Variants in TRHDE observed in about 807,000 individuals in gnomAD.
TRHDE encodes thyrotropin-releasing hormone-degrading ectoenzyme.
A neutral mutation model predicts 125.7 loss-of-function variants in TRHDE; 72 were observed. The observed-to-expected ratio is 0.57, with a 90% CI of 0.47 to 0.70. The LOEUF is 0.70. Ranked by LOEUF, TRHDE falls within the 30% of genes least tolerant of loss-of-function variation. TRHDE has a pLI of 0.00. For missense variants in TRHDE, 1,110 were observed against 1,327.1 expected (o/e 0.84, Z 2.54); for synonymous variants, 509 against 509.1 (o/e 1.00, Z 0.00).
At chr12:72,531,877 T>C (rs1449542915) in intron 6 of TRHDE, among the ~76,000 whole-genome samples, 5 of 152,122 alleles carry the variant, frequency 3.3e-5, no homozygotes, top group Non-Finnish European at 7.4e-5. Flanking sequence ...TACAACTTTA[T>C]AGTTTTGTTA....
rs1878958224 is a variant in TRHDE at position 72,261,893 on chromosome 12, C to T, written n.280-116102C>T. Among the ~76,000 whole-genome samples the T allele has an allele frequency of 2.0e-5, 3 of 152,248 alleles. No individual in the cohort carries two copies. In the South Asian group the frequency reaches 6.2e-4, roughly 32 times the overall value. ...AATTTCAGTTCATTTGGAACTGGCT[C>T]TGTGTCTCTTCAATTTGTACTCTGA... On this transcript the variant is annotated intron_variant and non_coding_transcript_variant, in intron 2 of 4. Transcript: ENST00000548156.
intron 6 of TRHDE, among the ~76,000 whole-genome samples, chr12:72,508,730 A>G (rs1448369117): frequency 6.6e-6 from 1 of 152,078 alleles, no homozygotes. Flanking sequence ...GCGATGGGAG[A>G]AGGACATGAA....
Position 72,378,036 on chromosome 12 carries a change from C to A in TRHDE, c.1230C>A (p.Ser410=). 1 of 1,605,554 alleles carries A rather than the reference C, an allele frequency of 6.2e-7. No homozygotes were observed. The highest frequency in any genetic ancestry group is 1.1e-5 in the South Asian group (1 of 89,718). Residue 410 remains serine (S), a synonymous_variant, in exon 3 of 19, where the codon TCC becomes TCA. Transcript: ENST00000261180. ...GACCTGATGCTATCAGAAGAGGATC[C>A]GGGGACTATGCTCTCCATATAACAA... ...YARPDAIRRG[S]GDYALHITKR...
At chr12:72,495,548 T>G (rs1020296660) in intron 5 of TRHDE, among the ~76,000 whole-genome samples, 5 of 152,114 alleles carry the variant, frequency 3.3e-5, no homozygotes, top group Non-Finnish European at 7.4e-5. Flanking sequence ...AATTAATCAT[T>G]TCATCCTCTG....
chr12:72,131,661 G>A (rs907725609), intron 2 of TRHDE, among the ~76,000 whole-genome samples: 1 of 152,174 alleles, frequency 6.6e-6, no homozygotes, highest in African/African-American at 2.4e-5. Context: ...AATGGCTGCT[G>A]TCTGGCGACA....
At chr12:72,403,871 G>T (rs1249139306) in intron 3 of TRHDE, among the ~76,000 whole-genome samples, 3 of 152,144 alleles carry the variant, frequency 2.0e-5, no homozygotes, top group African/African-American at 7.2e-5. Flanking sequence ...GTGGAGTGGA[G>T]GGGGTAGGTC....
chr12:72,145,360 A>T (rs1318608069), intron 2 of TRHDE, among the ~76,000 whole-genome samples: 1 of 152,162 alleles, frequency 6.6e-6, no homozygotes, highest in Non-Finnish European at 1.5e-5. Context: ...GTTTCATTTA[A>T]AATTATGTCT....
chr12:72,605,209 A>G (rs1257121284), intron 12 of TRHDE, among the ~76,000 whole-genome samples: 2 of 152,134 alleles, frequency 1.3e-5, no homozygotes, highest in Non-Finnish European at 2.9e-5. Context: ...ATCAGTTATT[A>G]TAATATATAG....
chr12:72,633,290 G>A (rs1442483541), intron 15 of TRHDE, among the ~76,000 whole-genome samples: 3 of 152,000 alleles, frequency 2.0e-5, no homozygotes, highest in Non-Finnish European at 4.4e-5. Context: ...AGAAAGAGCT[G>A]CATATGCCTC....
intron 3 of TRHDE, among the ~76,000 whole-genome samples, chr12:72,439,280 C>A (rs927993742): frequency 2.6e-5 from 4 of 151,740 alleles, no homozygotes; most frequent in African/African-American, 9.7e-5. Context: ...TTTGGCTATT[C>A]AGGGTCTTTT....
At chr12:72,362,350 A>G (rs1427348758) in intron 2 of TRHDE, among the ~76,000 whole-genome samples, 3 of 149,820 alleles carry the variant, frequency 2.0e-5, no homozygotes, top group East Asian at 4.0e-4. Context: ...TTTTGGCTGC[A>G]TAAATGTCTT....
intron 6 of TRHDE, among the ~76,000 whole-genome samples, chr12:72,525,592 G>A (rs1868316426): frequency 7.1e-6 from 1 of 141,774 alleles, no homozygotes; most frequent in African/African-American, 2.6e-5. Context: ...CTCATGTTTT[G>A]TGTGTGGTTT....
At chr12:72,397,099 C>T (rs186563883) in intron 3 of TRHDE, among the ~76,000 whole-genome samples, 149 of 152,288 alleles carry the variant, frequency 9.8e-4, no homozygotes, top group African/African-American at 3.4e-3. Flanking sequence ...TTCTTTCACC[C>T]GTCAAGCCTA....
chr12:72,544,945 G>T (rs905223030), intron 7 of TRHDE, among the ~76,000 whole-genome samples: 104 of 151,366 alleles, frequency 6.9e-4, no homozygotes, highest in Non-Finnish European at 3.0e-5. Flanking sequence ...ATATTTTTCA[G>T]CAGGAAGAGA....
chr12:72,149,840 A>G (rs1349821435), intron 2 of TRHDE, among the ~76,000 whole-genome samples: 1 of 152,202 alleles, frequency 6.6e-6, no homozygotes, highest in African/African-American at 2.4e-5. Context: ...TCATTATTCT[A>G]TATGAATAAA....
intron 2 of TRHDE, among the ~76,000 whole-genome samples, chr12:72,194,537 CT>C (rs1014841527): frequency 1.3e-5 from 2 of 152,086 alleles, no homozygotes; most frequent in African/African-American, 4.8e-5. Flanking sequence ...TCTTTCCCCC[CT>C]CCTTTCCCCT....
chr12:72,653,489 T>C (rs1719277129), intron 17 of TRHDE, among the ~76,000 whole-genome samples: 1 of 152,114 alleles, frequency 6.6e-6, no homozygotes, highest in Non-Finnish European at 1.5e-5. Context: ...GTTATAGAAA[T>C]GATTTATAAA....
intron 2 of TRHDE, among the ~76,000 whole-genome samples, chr12:72,372,944 G>C (rs1329240453): frequency 1.3e-5 from 2 of 152,198 alleles, no homozygotes; most frequent in African/African-American, 4.8e-5. Context: ...TTGGTAGCTT[G>C]ATGGGGATGG....
chr12:72,618,615 C>T (rs974281668), intron 12 of TRHDE, among the ~76,000 whole-genome samples: 5 of 152,022 alleles, frequency 3.3e-5, no homozygotes, highest in South Asian at 2.1e-4. Context: ...TACCTAGGCT[C>T]GGTTTTGCTT....
Sources: allele counts gnomAD v4.1 joint callset (sites outside exome capture counted in the v4.1 genomes callset), GRCh38; gene constraint gnomAD v4.1.1; transcripts MANE v1.5; gene names NCBI Gene and HGNC (gene_info 2026-07-23, HGNC 2026-07-21).